WWTR1: variants seen among roughly 807,000 people sequenced by gnomAD.
WWTR1 encodes WW domain-containing transcription regulator protein 1.
In WWTR1, 13 loss-of-function variants were observed where a neutral mutation model predicts 40.1. The observed-to-expected ratio is 0.32, with a 90% CI of 0.21 to 0.52. WWTR1 has a LOEUF of 0.52. WWTR1 is among the 20% of genes least tolerant of loss of function. The pLI, the probability that WWTR1 is intolerant of heterozygous loss-of-function variation, is 0.97. For missense variants in WWTR1, 436 were observed against 523.1 expected (o/e 0.83, Z 1.63); for synonymous variants, 230 against 210.1 (o/e 1.09, Z -0.82).
At chr3:149,616,450 T>C (rs1046702958) in intron 2 of WWTR1, among the ~76,000 whole-genome samples, 10 of 152,144 alleles carry the variant, frequency 6.6e-5, no homozygotes, top group African/African-American at 2.2e-4. Context: ...CTCTCTTTTT[T>C]TTTTTTTCCG....
At chr3:149,608,754 AG>A (rs1421775897) in intron 2 of WWTR1, among the ~76,000 whole-genome samples, 1 of 152,088 alleles carries the variant, frequency 6.6e-6, no homozygotes, top group East Asian at 1.9e-4. Context: ...CAAGTGATAA[AG>A]GGTCTAAAAC....
chr3:149,666,344 A>G (rs1013756941), intron 2 of WWTR1, among the ~76,000 whole-genome samples: 2 of 152,218 alleles, frequency 1.3e-5, no homozygotes, highest in Admixed American at 6.5e-5. Context: ...GGACCTGAGT[A>G]TAAGAAAGCC....
In WWTR1 at chr3:149,541,801, C is replaced by T. The variant is rs539329836; in HGVS notation, c.771+534G>A. Among the ~76,000 whole-genome samples, 25 of 152,246 alleles carry T rather than the reference C, an allele frequency of 1.6e-4. No homozygotes were observed. In the South Asian group the frequency reaches 5.2e-3, roughly 32 times the overall value. The stretch of plus-strand genomic sequence containing the variant: ...CACCATAGATCCCAGGCTTTTGTTC[C>T]AGCTTAGCCCAGTCTTCCAGCAATC... On this transcript the variant is annotated intron_variant, in intron 4 of 6. Coordinates refer to ENST00000360632, the MANE Select transcript of WWTR1 (RefSeq NM_015472.6).
chr3:149,660,635 G>C (rs138526204), upstream of WWTR1, among the ~76,000 whole-genome samples: 1 of 152,200 alleles, frequency 6.6e-6, no homozygotes, highest in African/African-American at 2.4e-5. Flanking sequence ...GCAGCACAGT[G>C]GATAAGTGTA....
At chr3:149,665,227 C>CTTT (rs11398199) in intron 2 of WWTR1, among the ~76,000 whole-genome samples, 4,711 of 128,192 alleles carry the variant, frequency 0.037, 350 homozygotes, top group African/African-American at 0.13. Flanking sequence ...TCCTTTCTTT[C>CTTT]TTTTTTTTTT....
At chr3:149,667,340 G>A (rs1252943527) in intron 2 of WWTR1, among the ~76,000 whole-genome samples, 1 of 152,010 alleles carries the variant, frequency 6.6e-6, no homozygotes, top group African/African-American at 2.4e-5. Flanking sequence ...GAGGTCAGGA[G>A]ATTGAGATCA....
At chr3:149,655,674 A>G (rs985992038) in intron 2 of WWTR1, among the ~76,000 whole-genome samples, 1 of 152,240 alleles carries the variant, frequency 6.6e-6, no homozygotes, top group African/African-American at 2.4e-5. Flanking sequence ...AGATATCAAC[A>G]GCCTTGAGAT....
chr3:149,583,478 A>C (rs1345242225), intron 2 of WWTR1, among the ~76,000 whole-genome samples: 8 of 152,166 alleles, frequency 5.3e-5, no homozygotes, highest in Non-Finnish European at 1.2e-4. Flanking sequence ...CTGGGTCTAC[A>C]CATGCGTGCC....
intron 3 of WWTR1, among the ~76,000 whole-genome samples, chr3:149,564,485 C>T (rs1050295699): frequency 1.5e-5 from 2 of 131,422 alleles, no homozygotes; most frequent in East Asian, 3.9e-4. Flanking sequence ...GTTGTTCTCA[C>T]TCTTTTTTTT....
intron 4 of WWTR1, among the ~76,000 whole-genome samples, chr3:149,538,789 C>T (rs1576545327): frequency 6.6e-6 from 1 of 152,128 alleles, no homozygotes; most frequent in Non-Finnish European, 1.5e-5. Flanking sequence ...CCACTGGGCC[C>T]CTGTGAAGCA....
At chr3:149,668,294 T>C (rs1421220202) in intron 2 of WWTR1, among the ~76,000 whole-genome samples, 1 of 152,170 alleles carries the variant, frequency 6.6e-6, no homozygotes, top group Non-Finnish European at 1.5e-5. Flanking sequence ...CTCTCTTCTA[T>C]CTGCCCTAAG....
At chr3:149,631,763 G>A (rs1042880276) in intron 2 of WWTR1, among the ~76,000 whole-genome samples, 4 of 152,124 alleles carry the variant, frequency 2.6e-5, no homozygotes, top group African/African-American at 9.7e-5. Context: ...ATCAAGAGAG[G>A]CCATTAACAC....
chr3:149,606,428 C>CA (rs1365086139), intron 2 of WWTR1, among the ~76,000 whole-genome samples: 2 of 152,112 alleles, frequency 1.3e-5, no homozygotes, highest in Non-Finnish European at 2.9e-5. Flanking sequence ...AGCATTTCCT[C>CA]AAATAGTAAC....
chr3:149,685,525 G>A (rs1714616089), intron 1 of WWTR1, among the ~76,000 whole-genome samples: 1 of 152,176 alleles, frequency 6.6e-6, no homozygotes, highest in African/African-American at 2.4e-5. Context: ...GCTTGATTAG[G>A]TTTCTGGTCA....
chr3:149,591,102 T>C (rs929896694), intron 2 of WWTR1, among the ~76,000 whole-genome samples: 44 of 152,034 alleles, frequency 2.9e-4, no homozygotes, highest in African/African-American at 1.1e-3. Flanking sequence ...ATCCTGTAGT[T>C]GTTAGGGAGA....
At chr3:149,605,842 G>C (rs1739456536) in intron 2 of WWTR1, among the ~76,000 whole-genome samples, 1 of 152,160 alleles carries the variant, frequency 6.6e-6, no homozygotes, top group African/African-American at 2.4e-5. Flanking sequence ...ATACCACTGA[G>C]ATACTGGAGA....
chr3:149,521,001 T>C lies in WWTR1; in HGVS notation c.1019-12A>G. On this transcript the variant is annotated splice_polypyrimidine_tract_variant and intron_variant, in intron 6 of 6. Transcript: ENST00000360632. ...TCCTGCGTTTTCTCCTATAACAAAA[T>C]GAAAAGAAACCATTTTAATTCCTTC... 6.4e-7 allele frequency: 1 copy of C among 1,565,798 alleles called. No individual in the cohort carries two copies. The highest frequency in any genetic ancestry group is 8.6e-7 in the Non-Finnish European group (1 of 1,160,732).
Position 149,520,827 on chromosome 3 carries a change from T to C in WWTR1, c.1181A>G (p.Glu394Gly). The C allele has an allele frequency of 1.9e-6, 3 of 1,601,322 alleles. No individual in the cohort carries two copies. Among genetic ancestry groups the C allele is most frequent in the Non-Finnish European group, 2.6e-6 (3 of 1,175,468 alleles). ...NDVESALNKS[E>G]PFLTWL The stretch of plus-strand genomic sequence containing the variant: ...TGATTACAGCCAGGTTAGAAAGGGC[T>C]CACTTTTGTTCAGAGCAGACTCTAC... The change falls in exon 7 of 7, where the codon GAG becomes GGG. Residue 394 changes from glutamate (E) to glycine (G), a missense_variant. Coordinates refer to ENST00000360632, the MANE Select transcript of WWTR1 (RefSeq NM_015472.6).
At chr3:149,586,952 A>T (rs1004743150) in intron 2 of WWTR1, among the ~76,000 whole-genome samples, 2 of 152,194 alleles carry the variant, frequency 1.3e-5, no homozygotes, top group Non-Finnish European at 2.9e-5. Flanking sequence ...ACCTTGTCCT[A>T]TGTATCTCTT....
Sources: allele counts gnomAD v4.1 joint callset (sites outside exome capture counted in the v4.1 genomes callset), GRCh38; gene constraint gnomAD v4.1.1; transcripts MANE v1.5; gene names NCBI Gene and HGNC (gene_info 2026-07-23, HGNC 2026-07-21).